The following SPMIP8 variants were observed in gnomAD, a reference collection of about 807,000 sequenced individuals.
SPMIP8 encodes the protein testicular tissue protein Li 196.
chr16:57,983,895 G>T, the SPMIP8 span, among the ~76,000 whole-genome samples: 4 of 152,030 alleles, frequency 2.6e-5, no homozygotes, highest in African/African-American at 9.7e-5. Flanking sequence ...TTACAAGTGT[G>T]AGCTACCGTG....
chr16:57,981,389 A>AATAATTATAATTATTATTATT, the SPMIP8 span, among the ~76,000 whole-genome samples: 1 of 132,912 alleles, frequency 7.5e-6, no homozygotes, highest in Non-Finnish European at 1.6e-5. Flanking sequence ...CAATAATAAT[A>AATAATTATAATTATTATTATT]ATAATTATTA....
At chr16:57,987,573 G>GACAGAGA in the SPMIP8 span, 1 of 862,988 alleles carries the variant, frequency 1.2e-6, no homozygotes, top group Non-Finnish European at 1.6e-6. Flanking sequence ...AGAGACACAC[G>GACAGAGA]CAATTGTCTC....
chr16:57,987,163 G>A, the SPMIP8 span: 3 of 426,112 alleles, frequency 7.0e-6, no homozygotes, highest in Non-Finnish European at 1.2e-5. Flanking sequence ...GGGTGAAGCT[G>A]TTCATAGTTA....
the SPMIP8 span, among the ~76,000 whole-genome samples, chr16:57,977,301 T>A: frequency 6.7e-6 from 1 of 149,126 alleles, no homozygotes; most frequent in East Asian, 2.0e-4. Context: ...TCCCAGTTCC[T>A]CAGGAGGCTG....
At chr16:57,984,129 C>G in the SPMIP8 span, among the ~76,000 whole-genome samples, 22 of 152,210 alleles carry the variant, frequency 1.4e-4, no homozygotes, top group East Asian at 3.3e-3. Flanking sequence ...GTCTGGAACT[C>G]CTGACCTTAA....
At chr16:57,987,415 C>A in the SPMIP8 span, 2 of 1,597,818 alleles carry the variant, frequency 1.3e-6, no homozygotes, top group Non-Finnish European at 1.7e-6. Context: ...CTACCTGACC[C>A]CCTGGCATTA....
At chr16:57,979,652 G>A in the SPMIP8 span, among the ~76,000 whole-genome samples, 4 of 151,238 alleles carry the variant, frequency 2.6e-5, no homozygotes, top group Non-Finnish European at 4.4e-5. Flanking sequence ...CCCGCATACA[G>A]GTAACCACCC....
chr16:57,984,643 C>A, the SPMIP8 span: 6 of 1,582,444 alleles, frequency 3.8e-6, no homozygotes, highest in Non-Finnish European at 5.2e-6. Context: ...CAGGACATCA[C>A]CGCCACAGGC....
the SPMIP8 span, among the ~76,000 whole-genome samples, chr16:57,981,395 T>TATTATTATTATTATTATTATA: frequency 1.6e-5 from 2 of 127,804 alleles, no homozygotes; most frequent in African/African-American, 2.8e-5. Flanking sequence ...TAATAATAAT[T>TATTATTATTATTATTATTATA]ATTATTATTA....
At chr16:57,984,607 C>G in the SPMIP8 span, 1 of 1,525,916 alleles carries the variant, frequency 6.6e-7, no homozygotes, top group East Asian at 2.4e-5. Context: ...GCTACGGCCG[C>G]GCGGGCCTGA....
At chr16:57,985,127 G>GGGCGGGGCTTAGATGAGGA in the SPMIP8 span, 13 of 1,380,782 alleles carry the variant, frequency 9.4e-6, no homozygotes, top group South Asian at 9.1e-5. Context: ...GCTGGATTGT[G>GGGCGGGGCTTAGATGAGGA]GGCGGGGCTT....
chr16:57,984,825 C>T, the SPMIP8 span: 43 of 1,581,754 alleles, frequency 2.7e-5, no homozygotes, highest in East Asian at 9.1e-4. Context: ...GTCTACGGGC[C>T]GCTGAAGGAA....
chr16:57,977,558 T>TGA, the SPMIP8 span, among the ~76,000 whole-genome samples: 2 of 109,022 alleles, frequency 1.8e-5, no homozygotes, highest in African/African-American at 8.3e-5. Context: ...TGGCACAATG[T>TGA]GAGTGTGTGT....
the SPMIP8 span, among the ~76,000 whole-genome samples, chr16:57,983,251 G>A: frequency 1.3e-5 from 2 of 152,062 alleles, no homozygotes; most frequent in South Asian, 2.1e-4. Flanking sequence ...CTGAGTAGCT[G>A]AGACTACAGG....
chr16:57,980,648 G>A, the SPMIP8 span, among the ~76,000 whole-genome samples: 1 of 152,160 alleles, frequency 6.6e-6, no homozygotes, highest in African/African-American at 2.4e-5. Flanking sequence ...AAAACCTCAT[G>A]GCAATTAAAA....
the SPMIP8 span, among the ~76,000 whole-genome samples, chr16:57,979,133 G>T: frequency 0.052 from 7,970 of 152,282 alleles, 682 homozygotes; most frequent in African/African-American, 0.18. Flanking sequence ...TGAGGAGCTT[G>T]CGTGTGGAGG....
At chr16:57,981,169 T>G in the SPMIP8 span, among the ~76,000 whole-genome samples, 1 of 151,702 alleles carries the variant, frequency 6.6e-6, no homozygotes, top group Non-Finnish European at 1.5e-5. Flanking sequence ...TCGCCTGAGG[T>G]CAGGAGTTCA....
chr16:57,984,858 G>T, the SPMIP8 span: 1 of 1,542,136 alleles, frequency 6.5e-7, no homozygotes, highest in Non-Finnish European at 8.8e-7. Context: ...TGGGCCGCGG[G>T]GCTGGAGCAG....
chr16:57,986,584 C>CATTATTATTATTATTATTATTATTATT, the SPMIP8 span: 4 of 148,978 alleles, frequency 2.7e-5, no homozygotes, highest in South Asian at 2.2e-4. Context: ...TCCTTCGTGC[C>CATTATTATTATTATTATTATTATTATT]ATTATTATTA....
Sources: allele counts gnomAD v4.1 joint callset (sites outside exome capture counted in the v4.1 genomes callset), GRCh38; gene constraint gnomAD v4.1.1; transcripts MANE v1.5; gene names NCBI Gene and HGNC (gene_info 2026-07-23, HGNC 2026-07-21).